Variants in FKBP5 observed in about 807,000 individuals in gnomAD.
FKBP5 encodes peptidyl-prolyl cis-trans isomerase FKBP5.
A neutral mutation model predicts 50.5 loss-of-function variants in FKBP5; 23 were observed. The ratio of observed to expected loss-of-function variants is 0.46; its 90% CI spans 0.33 to 0.65. The LOEUF (loss-of-function observed/expected upper bound fraction) is 0.65, where lower values mean the gene tolerates loss of function less well. Ranked by LOEUF, FKBP5 falls within the 30% of genes least tolerant of loss-of-function variation. The pLI is 0.02. For missense variants in FKBP5, 411 were observed against 553.1 expected (o/e 0.74, Z 2.58); for synonymous variants, 176 against 190.6 (o/e 0.92, Z 0.63).
chr6:35,642,669 T>A lies in FKBP5; in HGVS notation c.105+51A>T, dbSNP rs1332394649. Reference sequence around the variant, plus strand: ...CCCCCCTCAGAAAGAGATGCTATAATCTTTCCAGACAGCAGGTTTCCTTGT... The same window carrying A: ...CCCCCCTCAGAAAGAGATGCTATAAACTTTCCAGACAGCAGGTTTCCTTGT... On this transcript the variant is annotated intron_variant, in intron 2 of 10. Transcript: ENST00000357266. The A allele has an allele frequency of 4.9e-6, 7 of 1,428,778 alleles. No homozygotes were observed. The Admixed American group carries it at 1.2e-4, about 25-fold the overall frequency. 88.5% of individuals were successfully genotyped at this position (1,428,778 alleles called of 1,614,324 possible).
chr6:35,709,644 CTT>C (rs1766381378), intron 2 of FKBP5, among the ~76,000 whole-genome samples: 2 of 151,890 alleles, frequency 1.3e-5, no homozygotes, highest in East Asian at 3.9e-4. Flanking sequence ...GTTGTTTTTT[CTT>C]TTCTTTCTTG....
intron 5 of FKBP5, among the ~76,000 whole-genome samples, chr6:35,615,196 G>A (rs1029527373): frequency 6.9e-6 from 1 of 144,032 alleles, no homozygotes; most frequent in Admixed American, 7.2e-5. Flanking sequence ...AGAGGCTGAT[G>A]TAGAAATACA....
At chr6:35,707,681 T>C (rs1766345893) in intron 2 of FKBP5, among the ~76,000 whole-genome samples, 1 of 152,188 alleles carries the variant, frequency 6.6e-6, no homozygotes, top group Admixed American at 6.6e-5. Flanking sequence ...TTATTTTTTC[T>C]GATCCTCTCC....
intron 1 of FKBP5, among the ~76,000 whole-genome samples, chr6:35,644,867 C>CA (rs1040652531): frequency 1.3e-5 from 2 of 151,982 alleles, no homozygotes; most frequent in African/African-American, 4.8e-5. Flanking sequence ...TATATGCACA[C>CA]AAAAAAATTT....
chr6:35,643,645 C>T (rs957850847), intron 1 of FKBP5, among the ~76,000 whole-genome samples: 5 of 152,182 alleles, frequency 3.3e-5, no homozygotes, highest in African/African-American at 1.2e-4. Flanking sequence ...ACCTCTACAA[C>T]AAACCCAGTG....
chr6:35,611,054 G>A (rs1193629109), intron 5 of FKBP5, among the ~76,000 whole-genome samples: 1 of 151,976 alleles, frequency 6.6e-6, no homozygotes, highest in African/African-American at 2.4e-5. Context: ...TTGGAGTTCC[G>A]CCTAAGCCTG....
chr6:35,579,178 TCTCTCC>T (rs945145625), intron 9 of FKBP5, among the ~76,000 whole-genome samples: 22 of 151,784 alleles, frequency 1.4e-4, no homozygotes, highest in African/African-American at 5.3e-4. Context: ...TCTCTCTCTC[TCTCTCC>T]GCTCTGTATG....
intron 7 of FKBP5, 90 bp downstream of exon 7, chr6:35,591,040 T>C: frequency 1.2e-6 from 1 of 812,658 alleles, no homozygotes; most frequent in South Asian, 1.7e-5. Flanking sequence ...ACCATCTATC[T>C]ATACCACCTA....
chr6:35,620,089 T>C, intron 4 of FKBP5, 43 bp downstream of exon 4: 1 of 1,613,076 alleles, frequency 6.2e-7, no homozygotes, highest in Non-Finnish European at 8.5e-7. Context: ...CCATTCCTAT[T>C]GTAGAGCAGA....
At chr6:35,589,130 T>TATTTTTATATATATATATATATATA (rs1561846638) in intron 7 of FKBP5, among the ~76,000 whole-genome samples, 4 of 112,948 alleles carry the variant, frequency 3.5e-5, no homozygotes, top group African/African-American at 7.2e-5. Context: ...ATATATATAT[T>TATTTTTATATATATATATATATATA]TTTTTTTTTT....
chr6:35,634,123 T>A (rs1764240859), intron 3 of FKBP5, among the ~76,000 whole-genome samples: 1 of 152,166 alleles, frequency 6.6e-6, no homozygotes, highest in African/African-American at 2.4e-5. Context: ...CAATTCTTAA[T>A]TCTGCTCACC....
chr6:35,666,018 C>T (rs1484968592), intron 1 of FKBP5, among the ~76,000 whole-genome samples: 1 of 152,090 alleles, frequency 6.6e-6, no homozygotes, highest in African/African-American at 2.4e-5. Context: ...ATATTAAATG[C>T]ATTTTCAACT....
At chr6:35,656,676 G>C (rs897595022) in intron 1 of FKBP5, among the ~76,000 whole-genome samples, 8 of 151,938 alleles carry the variant, frequency 5.3e-5, no homozygotes, top group Non-Finnish European at 8.8e-5. Context: ...GATCACTTGA[G>C]GTCAGGAGTT....
intron 2 of FKBP5, among the ~76,000 whole-genome samples, chr6:35,710,394 G>A (rs1043769788): frequency 6.6e-6 from 1 of 152,040 alleles, no homozygotes; most frequent in Non-Finnish European, 1.5e-5. Context: ...TGAGCCCAGG[G>A]AGGTTGAGGC....
chr6:35,703,125 C>A (rs984105089), intron 2 of FKBP5, among the ~76,000 whole-genome samples: 4 of 151,922 alleles, frequency 2.6e-5, no homozygotes, highest in Admixed American at 2.6e-4. Context: ...TGGCAGGCAC[C>A]TGTAATCCCA....
At chr6:35,684,217 T>C (rs1470082083) in intron 1 of FKBP5, among the ~76,000 whole-genome samples, 1 of 151,752 alleles carries the variant, frequency 6.6e-6, no homozygotes, top group Non-Finnish European at 1.5e-5. Flanking sequence ...CTCGCTCTGT[T>C]GTCCAGGCTG....
intron 1 of FKBP5, among the ~76,000 whole-genome samples, chr6:35,687,986 A>G (rs1765881226): frequency 6.6e-6 from 1 of 152,174 alleles, no homozygotes; most frequent in Non-Finnish European, 1.5e-5. Flanking sequence ...ACCTTTTTGG[A>G]CGACCAATAA....
At chr6:35,655,143 G>A (rs1764914121) in intron 1 of FKBP5, among the ~76,000 whole-genome samples, 1 of 152,054 alleles carries the variant, frequency 6.6e-6, no homozygotes, top group Non-Finnish European at 1.5e-5. Flanking sequence ...CCAACATAGT[G>A]AGACCCCATG....
chr6:35,605,502 C>T (rs969035210), intron 5 of FKBP5, among the ~76,000 whole-genome samples: 1 of 142,924 alleles, frequency 7.0e-6, no homozygotes, highest in Non-Finnish European at 1.5e-5. Flanking sequence ...CTCAAGTGAT[C>T]CTCCTGCATC....
Sources: allele counts gnomAD v4.1 joint callset (sites outside exome capture counted in the v4.1 genomes callset), GRCh38; gene constraint gnomAD v4.1.1; transcripts MANE v1.5; gene names NCBI Gene and HGNC (gene_info 2026-07-23, HGNC 2026-07-21).